Variants in CSMD3 observed in about 807,000 individuals in gnomAD.
CSMD3 encodes the protein CUB and Sushi multiple domains 3, also known as CUB and sushi domain-containing protein 3.
CSMD3 carries 177 observed loss-of-function variants against 435.2 expected under a neutral mutation model. That is an observed-to-expected ratio of 0.41 (90% CI 0.36 to 0.46). CSMD3 has a LOEUF of 0.46. CSMD3 is among the 20% of genes least tolerant of loss of function. The pLI is 0.34. For synonymous variants in CSMD3, 1,656 were observed against 1,520.5 expected (o/e 1.09, Z -2.07); for missense variants, 4,265 against 4,504.6 (o/e 0.95, Z 1.52).
intron 4 of CSMD3, among the ~76,000 whole-genome samples, chr8:113,172,729 A>ATT (rs1787820392): frequency 6.6e-6 from 1 of 152,164 alleles, no homozygotes; most frequent in African/African-American, 2.4e-5. Flanking sequence ...TTGCAGTGAC[A>ATT]TGTTTGGGAG....
chr8:113,302,360 T>C (rs1036300800), intron 2 of CSMD3, among the ~76,000 whole-genome samples: 1 of 145,404 alleles, frequency 6.9e-6, no homozygotes, highest in Non-Finnish European at 1.5e-5. Flanking sequence ...GAAGAATATC[T>C]GAAATGATGT....
chr8:112,475,373 G>A (rs1321643655), intron 31 of CSMD3, among the ~76,000 whole-genome samples: 1 of 152,028 alleles, frequency 6.6e-6, no homozygotes, highest in Non-Finnish European at 1.5e-5. Flanking sequence ...AATATACTAT[G>A]AGGTTGTAAT....
intron 1 of CSMD3, among the ~76,000 whole-genome samples, chr8:113,399,688 C>T (rs1350867085): frequency 6.6e-6 from 1 of 151,718 alleles, no homozygotes; most frequent in African/African-American, 2.4e-5. Context: ...TACAGAGTTT[C>T]TTTGATGTGT....
At chr8:112,602,752 G>A (rs1236772623) in intron 22 of CSMD3, among the ~76,000 whole-genome samples, 1 of 151,614 alleles carries the variant, frequency 6.6e-6, no homozygotes, top group Non-Finnish European at 1.5e-5. Context: ...GAGCAAAAAT[G>A]TTATTAAGAA....
chr8:112,897,702 G>C lies in CSMD3; in HGVS notation c.1633+23925C>G, dbSNP rs1355159572. On this transcript the variant is annotated intron_variant, in intron 10 of 70. Transcript: ENST00000297405. Reference sequence around the variant, plus strand: ...TCTCTCTCTCTCTCTCTCTGTGTGTGTGTGTGTGTGTGTGTGTGTGTGTGT... The same window carrying C: ...TCTCTCTCTCTCTCTCTCTGTGTGTCTGTGTGTGTGTGTGTGTGTGTGTGT... Among the ~76,000 whole-genome samples, 93 of 142,692 alleles carry C rather than the reference G, an allele frequency of 6.5e-4. 1 individual carries two copies. In the South Asian group the frequency reaches 8.7e-3, roughly 13 times the overall value. The allele number at this position is 142,692 out of a possible 152,430, so 93.6% of individuals were successfully genotyped here. A position where few individuals can be genotyped will look rare whatever the true frequency, so the allele number is the denominator to read the frequency against.
In CSMD3 at chr8:112,636,834, G is replaced by A. The variant is rs201132925; in HGVS notation, c.3698C>T (p.Pro1233Leu). Residue 1233 changes from proline to leucine, a missense_variant, in exon 22 of 71, where the codon CCT (proline) becomes CTT (leucine). Pro to Leu is a moderately conservative substitution (Grantham distance 98). This residue lies in a region of CSMD3 where 3,255 missense variants were observed against 3,380.2 expected (regional missense o/e 0.96). Transcript: ENST00000297405. ...CCACGTACCCACACACCTTGGCAGA[G>A]GTGCACTCCACACTCGTCGGCCACC... ...LGGGRRVWSA[P>L]LPRCVAECGA... The A allele has an allele frequency of 9.6e-5, 155 of 1,613,204 alleles. No homozygotes were observed. Among genetic ancestry groups the A allele is most frequent in the Non-Finnish European group, 1.3e-4 (148 of 1,179,546 alleles).
At chr8:112,584,079 A>C (rs975495699) in intron 23 of CSMD3, among the ~76,000 whole-genome samples, 1 of 151,792 alleles carries the variant, frequency 6.6e-6, no homozygotes, top group African/African-American at 2.4e-5. Context: ...AAAGTTAATG[A>C]CTCAAAATTA....
intron 12 of CSMD3, among the ~76,000 whole-genome samples, chr8:112,801,247 A>C (rs541339312): frequency 6.6e-6 from 1 of 152,002 alleles, no homozygotes; most frequent in African/African-American, 2.4e-5. Context: ...GAGAGTGTTT[A>C]GTCTCTTAAA....
chr8:113,203,515 T>C (rs755014502), intron 3 of CSMD3, among the ~76,000 whole-genome samples: 16 of 151,908 alleles, frequency 1.1e-4, no homozygotes, highest in Non-Finnish European at 1.8e-4. Flanking sequence ...CAAGTGATCT[T>C]TCTGCCTCTG....
intron 13 of CSMD3, among the ~76,000 whole-genome samples, chr8:112,766,178 C>T (rs575845915): frequency 2.0e-5 from 3 of 151,734 alleles, no homozygotes; most frequent in Non-Finnish European, 4.4e-5. Context: ...TAATCACATA[C>T]ATTAAACAAA....
At chr8:113,151,684 T>C (rs2091808931) in intron 4 of CSMD3, among the ~76,000 whole-genome samples, 1 of 152,006 alleles carries the variant, frequency 6.6e-6, no homozygotes, top group African/African-American at 2.4e-5. Flanking sequence ...GACAGAGTAT[T>C]GACAATAGAA....
At chr8:112,632,529 A>T (rs1434711093) in intron 22 of CSMD3, among the ~76,000 whole-genome samples, 1 of 152,032 alleles carries the variant, frequency 6.6e-6, no homozygotes, top group Non-Finnish European at 1.5e-5. Context: ...GCCTAAAGAC[A>T]AATCATTACT....
At chr8:112,992,562 C>T (rs2085495092) in intron 6 of CSMD3, among the ~76,000 whole-genome samples, 1 of 151,518 alleles carries the variant, frequency 6.6e-6, no homozygotes, top group African/African-American at 2.4e-5. Flanking sequence ...TAACTTTCCA[C>T]GCAGAATGAA....
At chr8:112,905,321 T>TACACACAC (rs1554715002) in intron 10 of CSMD3, among the ~76,000 whole-genome samples, 12 of 145,686 alleles carry the variant, frequency 8.2e-5, no homozygotes, top group African/African-American at 3.1e-4. Context: ...TATATATATA[T>TACACACAC]ACACACACAC....
At chr8:112,885,759 G>C (rs769474768) in intron 10 of CSMD3, among the ~76,000 whole-genome samples, 3 of 151,708 alleles carry the variant, frequency 2.0e-5, no homozygotes, top group Admixed American at 1.3e-4. Flanking sequence ...TCAAGAAAGA[G>C]ATTGGCATTC....
intron 1 of CSMD3, among the ~76,000 whole-genome samples, chr8:113,429,161 A>G (rs1308674228): frequency 6.6e-6 from 1 of 151,530 alleles, no homozygotes; most frequent in East Asian, 1.9e-4. Context: ...ACTAAAATTG[A>G]TAACGTATGG....
intron 32 of CSMD3, among the ~76,000 whole-genome samples, chr8:112,457,540 T>C (rs550074220): frequency 6.6e-6 from 1 of 152,238 alleles, no homozygotes; most frequent in Non-Finnish European, 1.5e-5. Context: ...AGTTCTCATA[T>C]CACAAATTTA....
chr8:112,940,811 A>G (rs940697942), intron 9 of CSMD3, among the ~76,000 whole-genome samples: 2 of 151,840 alleles, frequency 1.3e-5, no homozygotes, highest in Non-Finnish European at 2.9e-5. Context: ...TGTTTCATCA[A>G]CTGGTATCTA....
intron 11 of CSMD3, among the ~76,000 whole-genome samples, chr8:112,840,205 T>A (rs1231185462): frequency 6.6e-6 from 1 of 151,728 alleles, no homozygotes; most frequent in East Asian, 1.9e-4. Context: ...AGGAAAAGAC[T>A]GGGGAAGGGT....
Sources: gnomAD v4.1 joint callset for allele counts (sites outside exome capture counted in the v4.1 genomes callset) on GRCh38, gnomAD v4.1.1 for gene constraint, gnomAD v4.1.1 regional missense constraint, MANE v1.5 for transcripts, NCBI Gene and HGNC (gene_info 2026-07-23, HGNC 2026-07-21) for gene names.